Variants in NSD3 observed in about 807,000 individuals in gnomAD.
NSD3 encodes histone-lysine N-methyltransferase NSD3.
NSD3 carries 24 observed loss-of-function variants against 160.8 expected under a neutral mutation model. That is an observed-to-expected ratio of 0.15 (90% CI 0.11 to 0.21). The LOEUF is 0.21. NSD3 is among the 10% of genes least tolerant of loss of function. NSD3 has a pLI of 1.00. For missense variants in NSD3, 1,157 were observed against 1,735.9 expected, an observed-to-expected ratio of 0.67 and a Z score of 5.93; for synonymous variants, 520 against 600.0, an observed-to-expected ratio of 0.87 and a Z score of 1.95.
chr8:38,336,934 G>C (rs999828870), intron 4 of NSD3, among the ~76,000 whole-genome samples: 14 of 152,122 alleles, frequency 9.2e-5, no homozygotes, highest in African/African-American at 3.1e-4. Context: ...TTGAGTTCGA[G>C]AGTTCAAGAC....
At chr8:38,373,510 T>A (rs963337005) in intron 1 of NSD3, among the ~76,000 whole-genome samples, 4 of 152,216 alleles carry the variant, frequency 2.6e-5, no homozygotes, top group African/African-American at 9.6e-5. Flanking sequence ...AAGTTTTTGT[T>A]TGTTTTTTAC....
In NSD3 at chr8:38,289,103, C is replaced by G. The variant is rs192963424; in HGVS notation, c.3231+290G>C. The stretch of plus-strand genomic sequence containing the variant: ...TTGGTGGCGGGATAACCTGGTAGAA[C>G]AAGAACAGGATTTCACATAAGACAT... On this transcript the variant is annotated intron_variant, in intron 18 of 23. Transcript: ENST00000317025. 3.8e-4 allele frequency among the ~76,000 whole-genome samples: 58 copies of G among 152,190 alleles called. No homozygotes were observed. The East Asian group carries it at 9.8e-3, about 26-fold the overall frequency.
chr8:38,298,461 CAA>C (rs1292129579), intron 15 of NSD3, among the ~76,000 whole-genome samples: 2 of 151,954 alleles, frequency 1.3e-5, no homozygotes, highest in African/African-American at 4.8e-5. Flanking sequence ...AGATGTCTGA[CAA>C]AGAGCAAAGA....
rs1809707023 is a variant in NSD3, at chr8:38,317,842, T to C, written c.1855+1053A>G. ...CCAGGCAGGAAAATGCCAATAATGA[T>C]GATTGGCGAAATCAAAATCGAAAAC... is the stretch of plus-strand genomic sequence containing the variant. On this transcript the variant is annotated intron_variant, in intron 9 of 23. Transcript: ENST00000317025. This position sits in a 1 kb window ranked among gnomAD's most constrained non-coding sequence, Gnocchi z 5.3. 14 of 1,523,430 alleles carry C rather than the reference T, an allele frequency of 9.2e-6. No individual in the cohort carries two copies. The highest frequency in any genetic ancestry group is 1.1e-5 in the Non-Finnish European group (13 of 1,134,144). 94.4% of individuals were successfully genotyped at this position (1,523,430 alleles called of 1,614,324 possible).
intron 1 of NSD3, among the ~76,000 whole-genome samples, chr8:38,374,504 C>A (rs1022410615): frequency 2.0e-5 from 3 of 152,078 alleles, no homozygotes; most frequent in African/African-American, 4.8e-5. Context: ...TGCCTGTAGT[C>A]CCAGCTACTA....
chr8:38,353,433 G>A (rs1042369827), intron 1 of NSD3, among the ~76,000 whole-genome samples: 34 of 152,168 alleles, frequency 2.2e-4, no homozygotes, highest in African/African-American at 8.2e-4. Context: ...CATCTAACAA[G>A]ATGCAACCTG....
intron 2 of NSD3, among the ~76,000 whole-genome samples, chr8:38,344,771 C>G (rs907272243): frequency 2.0e-5 from 3 of 152,106 alleles, no homozygotes; most frequent in Admixed American, 6.5e-5. Flanking sequence ...CCTGAGGCAT[C>G]TGGGGGAGGG....
At chr8:38,308,808 C>A (rs1809466397) in intron 12 of NSD3, among the ~76,000 whole-genome samples, 1 of 151,366 alleles carries the variant, frequency 6.6e-6, no homozygotes, top group Admixed American at 6.6e-5. Flanking sequence ...AGAGCAAGAA[C>A]CTCTCTCAAG....
At chr8:38,286,983 C>T (rs1036397803) in intron 19 of NSD3, among the ~76,000 whole-genome samples, 5 of 152,148 alleles carry the variant, frequency 3.3e-5, no homozygotes, top group East Asian at 1.9e-4. Context: ...TAATGGCACT[C>T]GACATGTTTA....
chr8:38,303,495 C>T (rs1809323994), intron 14 of NSD3: 1 of 597,580 alleles, frequency 1.7e-6, no homozygotes, highest in Admixed American at 6.3e-5. Context: ...TACTACAGAC[C>T]CTGCTAGCTA....
In NSD3 at chr8:38,319,034, G is replaced by A. The variant is rs763851472; in HGVS notation, c.1810-94C>T. The A allele has an allele frequency of 6.4e-6, 7 of 1,095,392 alleles. No homozygotes were observed. Among genetic ancestry groups the A allele is most frequent in the African/African-American group, 1.6e-5 (1 of 63,042 alleles). 67.9% of individuals were successfully genotyped at this position (1,095,392 alleles called of 1,614,324 possible). ...AGATACTTTCATCAATCTAAGCAAT[G>A]ATGAGTGATTAATGTATCTGAAATC... On this transcript the variant is annotated intron_variant, in intron 8 of 23. Transcript: ENST00000317025. The surrounding 1 kb of genome is among the most constrained non-coding windows in gnomAD (Gnocchi z 4.1).
At chr8:38,369,827 C>T (rs1233569318) in intron 1 of NSD3, among the ~76,000 whole-genome samples, 1 of 152,156 alleles carries the variant, frequency 6.6e-6, no homozygotes, top group Non-Finnish European at 1.5e-5. Context: ...CAGAGTCTCG[C>T]TCTGTTGCCC....
chr8:38,331,097 T>C (rs1810047787), intron 5 of NSD3, among the ~76,000 whole-genome samples: 1 of 152,140 alleles, frequency 6.6e-6, no homozygotes, highest in Non-Finnish European at 1.5e-5. Flanking sequence ...TATGGAAACA[T>C]GCTGAAATAG....
chr8:38,337,773 T>C (rs1008332081), intron 3 of NSD3, among the ~76,000 whole-genome samples: 2 of 152,108 alleles, frequency 1.3e-5, no homozygotes, highest in African/African-American at 2.4e-5. Context: ...TCTTCAATTA[T>C]ACTTTGATAC....
intron 19 of NSD3, among the ~76,000 whole-genome samples, chr8:38,285,133 T>C (rs1338617304): frequency 6.6e-6 from 1 of 151,574 alleles, no homozygotes; most frequent in East Asian, 1.9e-4. Flanking sequence ...TACCTTAAAA[T>C]AGACCACAGC....
At chr8:38,324,434 T>C (rs888404510) in intron 7 of NSD3, among the ~76,000 whole-genome samples, 21 of 152,210 alleles carry the variant, frequency 1.4e-4, no homozygotes, top group Admixed American at 1.0e-3. Context: ...TTATAATAAT[T>C]AGAATCTTAT....
At position 38,338,565 on chromosome 8, in the gene NSD3, C is replaced by T. The variant is rs1370388136; in HGVS notation, c.718G>A (p.Glu240Lys). The change falls in exon 3 of 24, where the codon GAA (glutamate) becomes AAA (lysine). Residue 240 changes from glutamate to lysine, a missense_variant. Glu to Lys is a moderately conservative substitution (Grantham distance 56). Around this residue, in one of 10 missense-constraint regions of NSD3, gnomAD observed 99 missense variants for 151.8 expected, o/e 0.65. Transcript: ENST00000317025. ...GCTTCCTCTTTTAGTACTGGTTCTT[C>T]CCTTGGTTTTTCTGATACAGTGTCA... ...RVDTVSEKPR[E>K]EPVLKEEAPV... 1.9e-6 allele frequency: 3 copies of T among 1,613,750 alleles called. No individual in the cohort carries two copies. The highest frequency in any genetic ancestry group is 2.5e-6 in the Non-Finnish European group (3 of 1,179,902).
chr8:38,378,203 C>T (rs1225605834), intron 1 of NSD3, among the ~76,000 whole-genome samples: 1 of 151,518 alleles, frequency 6.6e-6, no homozygotes, highest in Non-Finnish European at 1.5e-5. Context: ...AACAAACGAA[C>T]AAACAAACAA....
chr8:38,299,415 A>G, intron 15 of NSD3, 29 bp downstream of exon 15: 1 of 1,596,060 alleles, frequency 6.3e-7, no homozygotes, highest in Non-Finnish European at 8.5e-7. Flanking sequence ...TGCAAAAATA[A>G]AAGCAAGAGA....
Sources: allele counts gnomAD v4.1 joint callset (sites outside exome capture counted in the v4.1 genomes callset), GRCh38; gene constraint gnomAD v4.1.1; regional missense constraint gnomAD v4.1.1; non-coding constraint Gnocchi (gnomAD v3.1); transcripts MANE v1.5; gene names NCBI Gene and HGNC (gene_info 2026-07-23, HGNC 2026-07-21).